Variants in HYDIN observed in about 807,000 individuals in gnomAD.
HYDIN encodes the protein axonemal central pair apparatus protein HYDIN.
HYDIN carries 132 observed loss-of-function variants against 403.9 expected under a neutral mutation model. That is an observed-to-expected ratio of 0.33 (90% CI 0.28 to 0.38). HYDIN has a LOEUF of 0.38. Among genes scored for constraint, HYDIN ranks in the 10% least tolerant of loss-of-function variants. The pLI is 1.00. For synonymous variants in HYDIN, 1,202 were observed against 1,891.7 expected, an observed-to-expected ratio of 0.64 and a Z score of 9.46; for missense variants, 2,827 against 5,009.5, an observed-to-expected ratio of 0.56 and a Z score of 13.15.
chr16:71,177,080 G>A (rs1007139716), intron 4 of HYDIN, among the ~76,000 whole-genome samples: 2 of 152,158 alleles, frequency 1.3e-5, no homozygotes, highest in South Asian at 2.1e-4. Flanking sequence ...GTAGCTGGGC[G>A]TTCCTAGGAT....
chr16:71,070,243 TTTTCTTTC>T lies in HYDIN; in HGVS notation c.1739-749_1739-742del, dbSNP rs143461846. Among the ~76,000 whole-genome samples the T allele has an allele frequency of 1.1e-3, 157 of 146,446 alleles. 1 individual carries two copies. Among genetic ancestry groups the T allele is most frequent in the African/African-American group, 3.6e-3 (137 of 38,454 alleles). On this transcript the variant is annotated intron_variant, in intron 13 of 85. Transcript: ENST00000393567. The stretch of plus-strand genomic sequence containing the variant: ...ATACACTAAGCTCTGATTTTCTTTC[TTTTCTTTC>T]TTTCTTTCTTTCTTTCTCTCTCCTT...
At chr16:71,035,685 T>C (rs2081062220) in intron 18 of HYDIN, among the ~76,000 whole-genome samples, 1 of 152,046 alleles carries the variant, frequency 6.6e-6, no homozygotes, top group African/African-American at 2.4e-5. Context: ...CCCCTGATGC[T>C]CAATGGCTTT....
intron 6 of HYDIN, among the ~76,000 whole-genome samples, chr16:71,158,191 C>T (rs943767743): frequency 3.9e-5 from 6 of 152,240 alleles, no homozygotes; most frequent in African/African-American, 1.4e-4. Flanking sequence ...CATGTTTGCA[C>T]GAATCCAGGT....
intron 11 of HYDIN, among the ~76,000 whole-genome samples, chr16:71,093,111 T>C (rs981313440): frequency 2.6e-5 from 4 of 151,552 alleles, no homozygotes; most frequent in Non-Finnish European, 4.4e-5. Flanking sequence ...CATTAAATAA[T>C]TGTTTAAAAT....
chr16:70,944,781 C>T (rs747662843), intron 41 of HYDIN, among the ~76,000 whole-genome samples: 5 of 148,190 alleles, frequency 3.4e-5, no homozygotes, highest in South Asian at 4.5e-4. Context: ...GAGATGGAGT[C>T]TCACTCTGTT....
intron 10 of HYDIN, among the ~76,000 whole-genome samples, chr16:71,110,456 A>AAT (rs1284924968): frequency 1.4e-5 from 2 of 142,548 alleles, no homozygotes; most frequent in Non-Finnish European, 3.0e-5. Context: ...ATAATATATA[A>AAT]ATATATATAA....
intron 17 of HYDIN, among the ~76,000 whole-genome samples, chr16:71,061,511 C>T (rs923817090): frequency 6.6e-6 from 1 of 152,250 alleles, no homozygotes; most frequent in Non-Finnish European, 1.5e-5. Flanking sequence ...TTCAACTCAG[C>T]CTAAGCAGTG....
At chr16:70,810,690 C>T (rs900506573) in intron 84 of HYDIN, among the ~76,000 whole-genome samples, 6 of 152,102 alleles carry the variant, frequency 3.9e-5, no homozygotes, top group South Asian at 2.1e-4. Flanking sequence ...ATTAGCTGGG[C>T]GCAGTGGTGC....
chr16:70,810,038 C>T (rs1408299156), intron 84 of HYDIN, 31 bp from the exon 85 acceptor site: 3 of 1,600,700 alleles, frequency 1.9e-6, no homozygotes, highest in Middle Eastern at 1.8e-4. Flanking sequence ...TCCTGTCATG[C>T]TGAAAGGCTA....
At position 71,078,652 on chromosome 16, in the gene HYDIN, G is replaced by A. The variant is rs7501338; in HGVS notation, c.1738+1233C>T. On this transcript the variant is annotated intron_variant, in intron 13 of 85. Transcript: ENST00000393567. Reference sequence around the variant, plus strand: ...CTTAGGTAGCTGGGGCGACAGGTACGTACCACTACACTCAGCTGATTGTTT... The same window carrying A: ...CTTAGGTAGCTGGGGCGACAGGTACATACCACTACACTCAGCTGATTGTTT... Among the ~76,000 whole-genome samples the A allele has an allele frequency of 7.1e-3, 1,085 of 152,118 alleles. 50 individuals are homozygous for A. Among genetic ancestry groups the A allele is most frequent in the Admixed American group, 0.063 (954 of 15,262 alleles).
At chr16:71,069,625 C>A in intron 13 of HYDIN, 123 bp from the exon 14 acceptor site, 1 of 637,900 alleles carries the variant, frequency 1.6e-6, no homozygotes, top group South Asian at 2.1e-5. Flanking sequence ...TACTACTTAA[C>A]TCCAACTTGC....
rs760609942 is a variant in HYDIN at position 70,802,736 on chromosome 16, GA to G, written c.*4843del. On this transcript the variant is annotated 3_prime_UTR_variant, in exon 86 of 86. Transcript: ENST00000393567. Reference sequence around the variant, plus strand: ...TGTGGTAATTTGTTATGCAGCCATAGAAAATGAATACAAAGGCTAATCCAAA... The same window carrying G: ...TGTGGTAATTTGTTATGCAGCCATAGAAATGAATACAAAGGCTAATCCAAA... 1 of 152,184 alleles carries G rather than the reference GA, an allele frequency of 6.6e-6. No homozygotes were observed. Among genetic ancestry groups the G allele is most frequent in the Non-Finnish European group, 1.5e-5 (1 of 68,032 alleles). The allele number at this position is 152,184 out of a possible 1,614,324, so 9.4% of individuals were successfully genotyped here.
intron 23 of HYDIN, among the ~76,000 whole-genome samples, chr16:71,017,500 A>G (rs1336768597): frequency 6.6e-6 from 1 of 152,176 alleles, no homozygotes; most frequent in African/African-American, 2.4e-5. Flanking sequence ...CTGTGAGTCA[A>G]TTAAAACTTT....
intron 70 of HYDIN, 97 bp from the exon 71 acceptor site, chr16:70,860,303 C>T: frequency 7.2e-7 from 1 of 1,382,556 alleles, no homozygotes; most frequent in Non-Finnish European, 1.0e-6. Flanking sequence ...AGTCCCCCAT[C>T]TGGGAAGCAG....
At chr16:70,973,005 C>CA (rs2078776743) in intron 35 of HYDIN, among the ~76,000 whole-genome samples, 1 of 152,220 alleles carries the variant, frequency 6.6e-6, no homozygotes, top group Non-Finnish European at 1.5e-5. Context: ...ATAAGGACTT[C>CA]TGATATGCAA....
chr16:70,999,372 A>G (rs1789120586), intron 23 of HYDIN, among the ~76,000 whole-genome samples: 1 of 151,728 alleles, frequency 6.6e-6, no homozygotes. Flanking sequence ...GTATCAAGTA[A>G]GAGCCCCAAT....
intron 1 of HYDIN, among the ~76,000 whole-genome samples, chr16:71,221,603 T>A (rs1330653119): frequency 6.6e-6 from 1 of 151,942 alleles, no homozygotes; most frequent in African/African-American, 2.4e-5. Context: ...AAACATCCTG[T>A]AGGAAAAGAA....
chr16:71,228,219 C>T (rs988861007), intron 1 of HYDIN, among the ~76,000 whole-genome samples: 22 of 151,636 alleles, frequency 1.5e-4, no homozygotes, highest in Non-Finnish European at 2.9e-4. Context: ...TAGAAGAAAA[C>T]CTAGGCAATA....
At chr16:70,824,648 A>T (rs1254126208) in intron 83 of HYDIN, among the ~76,000 whole-genome samples, 6 of 148,278 alleles carry the variant, frequency 4.0e-5, no homozygotes, top group Non-Finnish European at 8.9e-5. Context: ...TTGCCTCAAT[A>T]TGGGGTTTCA....
Sources: gnomAD v4.1 joint callset for allele counts (sites outside exome capture counted in the v4.1 genomes callset) on GRCh38, gnomAD v4.1.1 for gene constraint, MANE v1.5 for transcripts, NCBI Gene and HGNC (gene_info 2026-07-23, HGNC 2026-07-21) for gene names.